The following PRR16 variants were observed in gnomAD, a reference collection of about 807,000 sequenced individuals.
The protein encoded by PRR16 is proline rich 16, also known as protein Largen.
Under a neutral mutation model 18.2 loss-of-function variants are expected in PRR16, and 6 were observed. The ratio of observed to expected loss-of-function variants is 0.33; its 90% CI spans 0.18 to 0.65. PRR16 has a LOEUF of 0.65. PRR16 is among the 30% of genes least tolerant of loss of function. The pLI is 0.74. For synonymous variants in PRR16, 151 were observed against 147.8 expected (o/e 1.02, Z -0.16); for missense variants, 412 against 376.6 (o/e 1.09, Z -0.78).
intron 1 of PRR16, among the ~76,000 whole-genome samples, chr5:120,514,136 A>G (rs1021855395): frequency 6.6e-6 from 1 of 152,168 alleles, no homozygotes; most frequent in Non-Finnish European, 1.5e-5. Flanking sequence ...TAAGTATTTT[A>G]TGAATAATGA....
intron 1 of PRR16, among the ~76,000 whole-genome samples, chr5:120,472,462 A>G (rs926356440): frequency 6.6e-6 from 1 of 152,122 alleles, no homozygotes; most frequent in Non-Finnish European, 1.5e-5. Flanking sequence ...CCCCTTTGAA[A>G]AAAGGAAAAA....
chr5:120,478,682 T>C (rs2112807666), intron 1 of PRR16, among the ~76,000 whole-genome samples: 1 of 152,210 alleles, frequency 6.6e-6, no homozygotes, highest in Middle Eastern at 3.4e-3. Context: ...GATTTAGGAG[T>C]GCCCATTTTT....
intron 1 of PRR16, among the ~76,000 whole-genome samples, chr5:120,505,723 TTTGA>T (rs35080091): frequency 0.074 from 11,157 of 150,946 alleles, 942 homozygotes; most frequent in African/African-American, 0.21. Flanking sequence ...TCCCTTTGTC[TTTGA>T]TTAATTTCTC....
At chr5:120,533,745 G>A (rs191514422) in intron 1 of PRR16, among the ~76,000 whole-genome samples, 5 of 152,290 alleles carry the variant, frequency 3.3e-5, no homozygotes, top group African/African-American at 9.6e-5. Flanking sequence ...GAGTCTGTCC[G>A]CTGGCTGTTG....
At chr5:120,727,336 G>A in the PRR16 span, among the ~76,000 whole-genome samples, 3 of 152,048 alleles carry the variant, frequency 2.0e-5, no homozygotes, top group Non-Finnish European at 4.4e-5. Context: ...CCCAGTTGGT[G>A]TCTTCCGAAG....
chr5:120,753,793 T>C, the PRR16 span, among the ~76,000 whole-genome samples: 1 of 143,524 alleles, frequency 7.0e-6, no homozygotes, highest in African/African-American at 2.6e-5. Context: ...TTATATGTAC[T>C]CTAACATCCC....
At chr5:120,700,113 A>C in the PRR16 span, among the ~76,000 whole-genome samples, 210 of 152,224 alleles carry the variant, frequency 1.4e-3, 1 homozygote, top group African/African-American at 4.7e-3. Flanking sequence ...GCAGGTATTG[A>C]GGATAGGAGA....
intron 1 of PRR16, among the ~76,000 whole-genome samples, chr5:120,628,341 G>C (rs1399737767): frequency 1.3e-5 from 2 of 152,042 alleles, no homozygotes; most frequent in Non-Finnish European, 2.9e-5. Context: ...ATATAAGTGA[G>C]ACTGAGTGGG....
At chr5:120,529,358 T>C (rs937804017) in intron 1 of PRR16, among the ~76,000 whole-genome samples, 2 of 152,168 alleles carry the variant, frequency 1.3e-5, no homozygotes, top group African/African-American at 2.4e-5. Context: ...TTCTTTCTGA[T>C]AGTGTTCAAC....
the PRR16 span, among the ~76,000 whole-genome samples, chr5:120,782,325 C>T: frequency 6.6e-6 from 1 of 152,174 alleles, no homozygotes; most frequent in African/African-American, 2.4e-5. Context: ...TCCCTCCATA[C>T]ATGCAGCCCA....
At chr5:120,561,188 T>A (rs1752563916) in intron 1 of PRR16, among the ~76,000 whole-genome samples, 1 of 152,052 alleles carries the variant, frequency 6.6e-6, no homozygotes, top group Admixed American at 6.5e-5. Context: ...CATTTTTAGT[T>A]CTTTAAGAGG....
intron 1 of PRR16, among the ~76,000 whole-genome samples, chr5:120,596,764 C>T (rs1324870337): frequency 6.6e-6 from 1 of 151,430 alleles, no homozygotes; most frequent in African/African-American, 2.4e-5. Flanking sequence ...TATTATAATG[C>T]ATTTTTTCTG....
At chr5:120,723,174 A>C in the PRR16 span, among the ~76,000 whole-genome samples, 1 of 151,900 alleles carries the variant, frequency 6.6e-6, no homozygotes, top group Non-Finnish European at 1.5e-5. Context: ...AGGATATGTG[A>C]TCTAAAGTAA....
chr5:120,592,214 G>C (rs1004509477), intron 1 of PRR16, among the ~76,000 whole-genome samples: 1 of 152,140 alleles, frequency 6.6e-6, no homozygotes, highest in Admixed American at 6.5e-5. Flanking sequence ...TCTGCATGCT[G>C]CTTCCAAAAG....
intron 1 of PRR16, among the ~76,000 whole-genome samples, chr5:120,475,259 T>C (rs1480906798): frequency 6.6e-6 from 1 of 152,182 alleles, no homozygotes; most frequent in East Asian, 1.9e-4. Context: ...TGCTTCCCAA[T>C]TCCTGGCAGC....
chr5:120,517,278 C>G (rs1275672559), intron 1 of PRR16, among the ~76,000 whole-genome samples: 3 of 152,080 alleles, frequency 2.0e-5, no homozygotes, highest in Non-Finnish European at 2.9e-5. Context: ...TGCATGAATT[C>G]AATTTATTTC....
At chr5:120,492,438 T>C (rs1347104115) in intron 1 of PRR16, among the ~76,000 whole-genome samples, 1 of 152,214 alleles carries the variant, frequency 6.6e-6, no homozygotes, top group African/African-American at 2.4e-5. Context: ...AAACACATAG[T>C]GTTCAGTTTT....
At chr5:120,745,030 C>G in the PRR16 span, among the ~76,000 whole-genome samples, 1 of 152,144 alleles carries the variant, frequency 6.6e-6, no homozygotes, top group African/African-American at 2.4e-5. Flanking sequence ...TGGTATTTAT[C>G]AGAGAGCAGC....
At chr5:120,712,114 T>C in the PRR16 span, among the ~76,000 whole-genome samples, 4 of 152,294 alleles carry the variant, frequency 2.6e-5, no homozygotes, top group African/African-American at 9.6e-5. Context: ...GTTTGAGGTA[T>C]ACAACATGAT....
Sources: gnomAD v4.1 joint callset for allele counts (sites outside exome capture counted in the v4.1 genomes callset) on GRCh38, gnomAD v4.1.1 for gene constraint, MANE v1.5 for transcripts, NCBI Gene and HGNC (gene_info 2026-07-23, HGNC 2026-07-21) for gene names.